Variants in PTK2B observed in about 807,000 individuals in gnomAD.
The protein encoded by PTK2B is protein-tyrosine kinase 2-beta.
In PTK2B, 71 loss-of-function variants were observed where a neutral mutation model predicts 142.9. The observed-to-expected ratio is 0.50, with a 90% CI of 0.41 to 0.61. PTK2B has a LOEUF of 0.61. Ranked by LOEUF, PTK2B falls within the 20% of genes least tolerant of loss-of-function variation. The probability of loss-of-function intolerance (pLI) is 0.00; values close to 1 mark genes in which losing one functional copy is unlikely to be tolerated. For missense variants in PTK2B, 1,105 were observed against 1,320.4 expected (o/e 0.84, Z 2.53); for synonymous variants, 519 against 503.4 (o/e 1.03, Z -0.42).
chr8:27,445,698 T>C, intron 23 of PTK2B, 96 bp from the exon 24 acceptor site: 2 of 1,545,710 alleles, frequency 1.3e-6, no homozygotes, highest in African/African-American at 1.4e-5. Context: ...CCTGTGGTGC[T>C]CATGCATAGT....
chr8:27,397,417 A>G, intron 1 of PTK2B, 131 bp from the exon 2 acceptor site: 1 of 692,418 alleles, frequency 1.4e-6, no homozygotes, highest in Non-Finnish European at 2.4e-6. Context: ...CTTGCAGGGG[A>G]GCTTTTGGGA....
At chr8:27,394,504 G>A (rs547006514) in intron 1 of PTK2B, among the ~76,000 whole-genome samples, 1 of 152,370 alleles carries the variant, frequency 6.6e-6, no homozygotes, top group East Asian at 1.9e-4. Flanking sequence ...AGTGAATGGA[G>A]CTTGCAGAAC....
At chr8:27,427,309 G>A (rs1810145803) in intron 5 of PTK2B, among the ~76,000 whole-genome samples, 1 of 152,068 alleles carries the variant, frequency 6.6e-6, no homozygotes, top group African/African-American at 2.4e-5. Context: ...AGCCTTTTCT[G>A]CCCCATCCTG....
chr8:27,417,676 G>T (rs1447893891), intron 2 of PTK2B, among the ~76,000 whole-genome samples: 2 of 152,196 alleles, frequency 1.3e-5, no homozygotes, highest in African/African-American at 2.4e-5. Context: ...AAGGCAGAAG[G>T]TTGGTAATTG....
chr8:27,350,592 G>T (rs955162558), intron 1 of PTK2B, among the ~76,000 whole-genome samples: 1 of 152,046 alleles, frequency 6.6e-6, no homozygotes, highest in Admixed American at 6.5e-5. Flanking sequence ...GTTAATAAGT[G>T]GGGGAACTCC....
intron 1 of PTK2B, among the ~76,000 whole-genome samples, chr8:27,330,235 A>G (rs1272892886): frequency 6.6e-6 from 1 of 152,266 alleles, no homozygotes; most frequent in East Asian, 1.9e-4. Flanking sequence ...AATTAGGCAG[A>G]TGATATGCAT....
intron 5 of PTK2B, among the ~76,000 whole-genome samples, chr8:27,429,161 TC>T (rs1221259200): frequency 2.0e-5 from 3 of 152,200 alleles, no homozygotes; most frequent in African/African-American, 7.2e-5. Flanking sequence ...CACCTCGGCC[TC>T]CCTAAGTGCT....
At chr8:27,311,393 C>G, upstream of PTK2B, 1 of 917,036 alleles carries the variant, frequency 1.1e-6, no homozygotes, top group African/African-American at 1.7e-5. Context: ...GGGGGGATGG[C>G]GAGGGGGAGG....
intron 4 of PTK2B, 140 bp downstream of exon 4, chr8:27,420,884 GT>G: frequency 1.3e-6 from 1 of 769,374 alleles, no homozygotes; most frequent in Non-Finnish European, 2.1e-6. Flanking sequence ...CTTGAAGAAG[GT>G]CCTTGGTCTA....
At chr8:27,353,584 G>A (rs1037715537) in intron 1 of PTK2B, among the ~76,000 whole-genome samples, 1 of 152,098 alleles carries the variant, frequency 6.6e-6, no homozygotes, top group Non-Finnish European at 1.5e-5. Context: ...TTGATCCTGT[G>A]GTCACCATAG....
At chr8:27,450,504 C>G (rs543090153) in intron 24 of PTK2B, among the ~76,000 whole-genome samples, 4 of 152,296 alleles carry the variant, frequency 2.6e-5, no homozygotes, top group African/African-American at 7.2e-5. Context: ...CATTTGAATA[C>G]AGCGCACGTT....
At chr8:27,379,698 A>G (rs1806896400) in intron 1 of PTK2B, among the ~76,000 whole-genome samples, 1 of 152,186 alleles carries the variant, frequency 6.6e-6, no homozygotes, top group African/African-American at 2.4e-5. Flanking sequence ...CATGCAAGTT[A>G]ATTTACGAGT....
chr8:27,445,656 CTTT>C, intron 23 of PTK2B, 135 bp from the exon 24 acceptor site: 1 of 1,280,700 alleles, frequency 7.8e-7, no homozygotes. Flanking sequence ...ACGTTTTGTT[CTTT>C]ATTAACTCCT....
intron 1 of PTK2B, among the ~76,000 whole-genome samples, chr8:27,395,532 C>T (rs973493886): frequency 2.6e-5 from 4 of 152,156 alleles, no homozygotes; most frequent in African/African-American, 9.7e-5. Flanking sequence ...TCCCCTGGGC[C>T]CTGCCATTTC....
chr8:27,458,243 C>G, intron 30 of PTK2B, 51 bp from the exon 31 acceptor site: 1 of 1,563,480 alleles, frequency 6.4e-7, no homozygotes, highest in Non-Finnish European at 8.8e-7. Flanking sequence ...CCCTATCCTC[C>G]AAGCACAGAC....
upstream of PTK2B, among the ~76,000 whole-genome samples, chr8:27,324,987 C>T (rs1168195159): frequency 2.0e-5 from 3 of 152,348 alleles, no homozygotes; most frequent in South Asian, 2.1e-4. Flanking sequence ...TCAGACCCTA[C>T]TTAGTCACAG....
intron 20 of PTK2B, 94 bp from the exon 21 acceptor site, chr8:27,440,143 T>C: frequency 7.6e-7 from 1 of 1,316,766 alleles, no homozygotes; most frequent in Non-Finnish European, 1.1e-6. Flanking sequence ...CAGGAGCTGC[T>C]CCTGGTGGAG....
chr8:27,361,850 C>T (rs1317693627), intron 1 of PTK2B, among the ~76,000 whole-genome samples: 1 of 152,182 alleles, frequency 6.6e-6, no homozygotes, highest in Non-Finnish European at 1.5e-5. Context: ...CGCTCCACAC[C>T]CACACACTGC....
chr8:27,311,079 C>A (rs983289294), upstream of PTK2B: 2 of 1,596,386 alleles, frequency 1.3e-6, no homozygotes, highest in Non-Finnish European at 1.7e-6. Flanking sequence ...GTGGGCGACA[C>A]CTGCACCTCC....
Sources: allele counts gnomAD v4.1 joint callset (sites outside exome capture counted in the v4.1 genomes callset), GRCh38; gene constraint gnomAD v4.1.1; transcripts MANE v1.5; gene names NCBI Gene and HGNC (gene_info 2026-07-23, HGNC 2026-07-21).